Variants in ANKRD36C observed in about 807,000 individuals in gnomAD.
ANKRD36C encodes ankyrin repeat domain 36C.
A neutral mutation model predicts 276.4 loss-of-function variants in ANKRD36C; 61 were observed. The ratio of observed to expected loss-of-function variants is 0.22; its 90% CI spans 0.18 to 0.27. ANKRD36C has a LOEUF of 0.27. Ranked by LOEUF, ANKRD36C falls within the 10% of genes least tolerant of loss-of-function variation. ANKRD36C has a pLI of 1.00. For synonymous variants in ANKRD36C, 483 were observed against 680.1 expected, an observed-to-expected ratio of 0.71 and a Z score of 4.51; for missense variants, 1,447 against 2,032.3, an observed-to-expected ratio of 0.71 and a Z score of 5.54.
intron 8 of ANKRD36C, among the ~76,000 whole-genome samples, chr2:95,961,669 A>G (rs940085901): frequency 4.6e-5 from 7 of 152,212 alleles, no homozygotes; most frequent in East Asian, 1.9e-4. Flanking sequence ...CAAAACATAT[A>G]TCTCTGATGC....
intron 6 of ANKRD36C, among the ~76,000 whole-genome samples, chr2:95,963,979 AT>A (rs1678524107): frequency 7.8e-4 from 9 of 11,468 alleles, no homozygotes; most frequent in Admixed American, 1.1e-3. Context: ...ATAAATATAT[AT>A]ATATATATAT....
At chr2:95,871,869 A>C (rs1573730216) in intron 59 of ANKRD36C, among the ~76,000 whole-genome samples, 1 of 151,286 alleles carries the variant, frequency 6.6e-6, no homozygotes, top group East Asian at 1.9e-4. Flanking sequence ...TTGCAATCCT[A>C]GTCTCTGATA....
chr2:95,858,039 C>T (rs79855190), intron 61 of ANKRD36C, among the ~76,000 whole-genome samples: 1 of 152,002 alleles, frequency 6.6e-6, no homozygotes. Context: ...AATTTACCTA[C>T]AGCCTGGAAG....
intron 42 of ANKRD36C, among the ~76,000 whole-genome samples, chr2:95,907,720 T>G (rs1477178587): frequency 6.7e-6 from 1 of 148,182 alleles, no homozygotes; most frequent in Non-Finnish European, 1.5e-5. Context: ...TTTCATTAAA[T>G]AGCTATTTTA....
At chr2:95,894,304 A>T (rs1324286431) in intron 44 of ANKRD36C, 1 of 154,160 alleles carries the variant, frequency 6.5e-6, no homozygotes, top group Non-Finnish European at 1.4e-5. Context: ...TATCTCTCAC[A>T]CCCATGTGGT....
chr2:95,880,446 A>G (rs758153145), exon 58 of ANKRD36C: 121 of 1,555,900 alleles, frequency 7.8e-5, no homozygotes, highest in Non-Finnish European at 9.7e-5. Context: ...ATGTTTGTAC[A>G]TCTTTCATTT....
chr2:95,962,907 T>A (rs924938124), intron 6 of ANKRD36C, among the ~76,000 whole-genome samples: 1 of 152,006 alleles, frequency 6.6e-6, no homozygotes, highest in Non-Finnish European at 1.5e-5. Context: ...AGGTGGTACA[T>A]GCTGTCACAT....
At position 95,880,415 on chromosome 2, in the gene ANKRD36C, T is replaced by C; in HGVS notation, c.3469+12A>G. On this transcript the variant is annotated intron_variant, in intron 58 of 66. Coordinates refer to ENST00000456556, the Ensembl canonical transcript of ANKRD36C. ...CTTCTTTCCAGAGTTAAATCTACAA[T>C]GCAAAGTTTACCTGGTGTGGATGTT... 2 of 1,548,556 alleles carry C rather than the reference T, an allele frequency of 1.3e-6. No individual in the cohort carries two copies. The highest frequency in any genetic ancestry group is 1.4e-5 in the African/African-American group (1 of 73,128).
intron 59 of ANKRD36C, among the ~76,000 whole-genome samples, chr2:95,875,630 T>C (rs1408380374): frequency 6.6e-6 from 1 of 151,992 alleles, no homozygotes; most frequent in East Asian, 1.9e-4. Context: ...TGTATACATA[T>C]GTAACTAACC....
intron 42 of ANKRD36C, among the ~76,000 whole-genome samples, chr2:95,902,135 A>G (rs1676671710): frequency 6.7e-6 from 1 of 149,868 alleles, no homozygotes; most frequent in Non-Finnish European, 1.5e-5. Context: ...AGCTCCTTGA[A>G]CAGGGAAGCA....
rs183540463 is a variant in ANKRD36C at position 95,911,626 on chromosome 2, A to G, written c.2653+618T>C. ...TCATTGAGTTTTTATGCCAATTCAA[A>G]CACTGTTTCCTGCTTCCAGCAGTTG... is the stretch of plus-strand genomic sequence containing the variant. On this transcript the variant is annotated intron_variant, in intron 42 of 66. Transcript: ENST00000456556. Among the ~76,000 whole-genome samples, 143 of 151,416 alleles carry G rather than the reference A, an allele frequency of 9.4e-4. 2 individuals carry two copies. Among genetic ancestry groups the G allele is most frequent in the East Asian group, 2.2e-3 (11 of 5,016 alleles).
chr2:95,961,401 T>A (rs541218869), intron 8 of ANKRD36C, among the ~76,000 whole-genome samples: 2 of 152,116 alleles, frequency 1.3e-5, no homozygotes, highest in Admixed American at 1.3e-4. Flanking sequence ...TTATACAAAA[T>A]AAAGTTACTG....
intron 26 of ANKRD36C, 83 bp downstream of exon 26, chr2:95,928,989 A>C: frequency 6.3e-7 from 1 of 1,582,392 alleles, no homozygotes; most frequent in Non-Finnish European, 8.6e-7. Flanking sequence ...AGCTTAGACG[A>C]ACTCCCCACT....
intron 42 of ANKRD36C, among the ~76,000 whole-genome samples, chr2:95,911,062 C>T (rs566187579): frequency 4.6e-5 from 7 of 151,640 alleles, no homozygotes; most frequent in African/African-American, 1.7e-4. Context: ...ACTTACACTT[C>T]ACATCTCTTC....
intron 61 of ANKRD36C, among the ~76,000 whole-genome samples, chr2:95,858,951 CAGAG>C (rs143169258): frequency 0.017 from 2,595 of 151,720 alleles, 73 homozygotes; most frequent in African/African-American, 0.06. Flanking sequence ...ATCTACATAA[CAGAG>C]AGAGAGAGAT....
At position 95,980,078 on chromosome 2, in the gene ANKRD36C, T is replaced by C. The variant is rs570933995; in HGVS notation, c.731+570A>G. On this transcript the variant is annotated intron_variant, in intron 5 of 66. Coordinates refer to ENST00000456556, the Ensembl canonical transcript of ANKRD36C. The stretch of plus-strand genomic sequence containing the variant: ...CATCCTGGTGGCAAAGGTTAATCAC[T>C]ACCAGACTGCAAGAGTACTTTCAAT... Among the ~76,000 whole-genome samples the C allele has an allele frequency of 6.6e-5, 10 of 152,192 alleles. No homozygotes were observed. The East Asian group carries it at 1.9e-3, about 29-fold the overall frequency.
At chr2:95,920,763 T>C (rs1409938835) in intron 34 of ANKRD36C, among the ~76,000 whole-genome samples, 2 of 148,256 alleles carry the variant, frequency 1.3e-5, no homozygotes, top group South Asian at 2.1e-4. Context: ...AATTTTTGTT[T>C]CTAAAACATG....
At chr2:95,883,094 T>C (rs1305721614) in intron 54 of ANKRD36C, among the ~76,000 whole-genome samples, 8 of 152,136 alleles carry the variant, frequency 5.3e-5, no homozygotes, top group Admixed American at 5.3e-4. Context: ...CGTGGTGTAA[T>C]AATGTGCCTA....
At chr2:95,937,073 G>A (rs572968573) in intron 22 of ANKRD36C, among the ~76,000 whole-genome samples, 1 of 152,426 alleles carries the variant, frequency 6.6e-6, no homozygotes, top group South Asian at 2.1e-4. Flanking sequence ...AGAGATTACT[G>A]AGCAGTAAAT....
Sources: gnomAD v4.1 joint callset for allele counts (sites outside exome capture counted in the v4.1 genomes callset) on GRCh38, gnomAD v4.1.1 for gene constraint, MANE v1.5 for transcripts, NCBI Gene and HGNC (gene_info 2026-07-23, HGNC 2026-07-21) for gene names.